Variants in KCNB2 observed in about 807,000 individuals in gnomAD.
KCNB2 encodes the protein delayed rectifier potassium channel protein.
KCNB2 carries 15 observed loss-of-function variants against 61.5 expected under a neutral mutation model. The observed-to-expected ratio is 0.24, with a 90% CI of 0.16 to 0.38. The LOEUF (loss-of-function observed/expected upper bound fraction) is 0.38. Ranked by LOEUF, KCNB2 falls within the 10% of genes least tolerant of loss-of-function variation. KCNB2 has a pLI of 1.00. For synonymous variants in KCNB2, 457 were observed against 446.0 expected (o/e 1.02, Z -0.31); for missense variants, 828 against 1,125.2 (o/e 0.74, Z 3.78).
chr8:72,839,022 A>AT (rs1809831992), intron 2 of KCNB2, among the ~76,000 whole-genome samples: 1 of 152,144 alleles, frequency 6.6e-6, no homozygotes, highest in East Asian at 1.9e-4. Flanking sequence ...TCACAAGGTA[A>AT]TCTAACATAC....
intron 2 of KCNB2, among the ~76,000 whole-genome samples, chr8:72,656,786 C>T (rs1806299306): frequency 6.6e-6 from 1 of 152,128 alleles, no homozygotes; most frequent in African/African-American, 2.4e-5. Context: ...ATAGCACATG[C>T]ACCGTGGAAC....
chr8:72,719,522 G>C (rs7840225), intron 2 of KCNB2, among the ~76,000 whole-genome samples: 2,437 of 152,012 alleles, frequency 0.016, 69 homozygotes, highest in African/African-American at 0.056. Flanking sequence ...TACCAATTTA[G>C]TATGCCAAGT....
intron 2 of KCNB2, among the ~76,000 whole-genome samples, chr8:72,930,657 T>C (rs1344426639): frequency 6.6e-5 from 10 of 152,246 alleles, no homozygotes; most frequent in Non-Finnish European, 2.9e-5. Context: ...TGTTTTTTTC[T>C]TGTAAATTTG....
chr8:72,750,544 G>A (rs1311853205), intron 2 of KCNB2: 1 of 152,108 alleles, frequency 6.6e-6, no homozygotes, highest in Non-Finnish European at 1.5e-5. Context: ...TGAACTGATT[G>A]GGAATACTTG....
intron 2 of KCNB2, among the ~76,000 whole-genome samples, chr8:72,591,139 C>G (rs769217927): frequency 5.3e-5 from 8 of 152,080 alleles, no homozygotes; most frequent in Non-Finnish European, 1.0e-4. Flanking sequence ...TTGAAAATCT[C>G]TTGTAACTGT....
intron 2 of KCNB2, among the ~76,000 whole-genome samples, chr8:72,868,138 C>T (rs1805561628): frequency 6.7e-6 from 1 of 149,870 alleles, no homozygotes; most frequent in Admixed American, 6.7e-5. Context: ...ATGGTGCAAT[C>T]ATAGCTCACT....
intron 2 of KCNB2, among the ~76,000 whole-genome samples, chr8:72,590,106 T>G (rs1393818642): frequency 6.6e-6 from 1 of 152,208 alleles, no homozygotes; most frequent in Non-Finnish European, 1.5e-5. Flanking sequence ...TCAGAATTCC[T>G]GGGTTCAACT....
At chr8:72,759,982 T>C (rs1377234868) in intron 2 of KCNB2, among the ~76,000 whole-genome samples, 1 of 152,138 alleles carries the variant, frequency 6.6e-6, no homozygotes, top group Non-Finnish European at 1.5e-5. Flanking sequence ...GTGTAGTGTC[T>C]AGAGTTTGGA....
chr8:72,563,755 G>GCATTTATTATGGGCTTA (rs1372924444), intron 1 of KCNB2, among the ~76,000 whole-genome samples: 1 of 152,126 alleles, frequency 6.6e-6, no homozygotes, highest in Non-Finnish European at 1.5e-5. Flanking sequence ...TCTGCAGCTT[G>GCATTTATTATGGGCTTA]CATTTATTAT....
At chr8:72,556,926 C>T (rs189890120) in intron 1 of KCNB2, among the ~76,000 whole-genome samples, 4 of 152,102 alleles carry the variant, frequency 2.6e-5, no homozygotes. Flanking sequence ...GATCAAGGTG[C>T]TGGCAGATTT....
intron 2 of KCNB2, among the ~76,000 whole-genome samples, chr8:72,624,526 G>A (rs1805759458): frequency 6.7e-6 from 1 of 150,106 alleles, no homozygotes; most frequent in Non-Finnish European, 1.5e-5. Flanking sequence ...AGAGATATGG[G>A]TTTTTTTTTT....
At chr8:72,675,735 G>A (rs951537901) in intron 2 of KCNB2, among the ~76,000 whole-genome samples, 1 of 151,976 alleles carries the variant, frequency 6.6e-6, no homozygotes, top group Admixed American at 6.6e-5. Flanking sequence ...TGTATTTTTA[G>A]TAGAGACGGG....
intron 2 of KCNB2, among the ~76,000 whole-genome samples, chr8:72,859,707 G>GTTTTTTT (rs1187550622): frequency 2.6e-4 from 11 of 42,028 alleles, no homozygotes; most frequent in East Asian, 1.2e-3. Context: ...ACTTCATTTC[G>GTTTTTTT]TTTTTTTTTT....
chr8:72,873,235 G>A (rs1051464110), intron 2 of KCNB2, among the ~76,000 whole-genome samples: 1 of 152,180 alleles, frequency 6.6e-6, no homozygotes, highest in Non-Finnish European at 1.5e-5. Context: ...ATTTCCTCTT[G>A]TGCCGCAGAG....
chr8:72,654,297 G>C (rs1303809259), intron 2 of KCNB2, among the ~76,000 whole-genome samples: 1 of 152,142 alleles, frequency 6.6e-6, no homozygotes, highest in Non-Finnish European at 1.5e-5. Flanking sequence ...ATGAATAAGT[G>C]TATATCATGA....
At chr8:72,816,835 G>A (rs1009571634) in intron 2 of KCNB2, among the ~76,000 whole-genome samples, 9 of 152,270 alleles carry the variant, frequency 5.9e-5, no homozygotes, top group Middle Eastern at 6.8e-3. Context: ...CTCCACTGCC[G>A]TTTCTTGCAC....
intron 2 of KCNB2, among the ~76,000 whole-genome samples, chr8:72,821,641 CAAA>C (rs61090576): frequency 0.22 from 27,663 of 126,294 alleles, 3,267 homozygotes; most frequent in Non-Finnish European, 0.29. Flanking sequence ...CAAAAAAAAA[CAAA>C]AAAAAAAAAA....
chr8:72,822,012 C>G (rs1254528133), intron 2 of KCNB2, among the ~76,000 whole-genome samples: 1 of 152,308 alleles, frequency 6.6e-6, no homozygotes, highest in Admixed American at 6.5e-5. Context: ...CCACTACCAC[C>G]ACCAACAGCT....
intron 2 of KCNB2, among the ~76,000 whole-genome samples, chr8:72,871,621 C>A (rs893076544): frequency 6.6e-6 from 1 of 152,164 alleles, no homozygotes; most frequent in Non-Finnish European, 1.5e-5. Context: ...TATCCAATAA[C>A]CCTTGCTCTT....
Sources: allele counts gnomAD v4.1 joint callset (sites outside exome capture counted in the v4.1 genomes callset), GRCh38; gene constraint gnomAD v4.1.1; transcripts MANE v1.5; gene names NCBI Gene and HGNC (gene_info 2026-07-23, HGNC 2026-07-21).